Variants in SPTAN1 observed in about 807,000 individuals in gnomAD.
SPTAN1 encodes the protein spectrin alpha, non-erythrocytic 1, also known as spectrin alpha chain, non-erythrocytic 1.
A neutral mutation model predicts 331.3 loss-of-function variants in SPTAN1; 61 were observed. The ratio of observed to expected loss-of-function variants is 0.18; its 90% confidence interval spans 0.15 to 0.23. The LOEUF (loss-of-function observed/expected upper bound fraction) is 0.23, where lower values mean the gene tolerates loss of function less well. SPTAN1 is among the 10% of genes least tolerant of loss of function. The probability of loss-of-function intolerance (pLI) is 1.00; values close to 1 mark genes in which losing one functional copy is unlikely to be tolerated. For missense variants in SPTAN1, 2,043 were observed against 3,147.9 expected (o/e 0.65, Z 8.40); for synonymous variants, 1,153 against 1,173.9 (o/e 0.98, Z 0.36).
intron 10 of SPTAN1, among the ~76,000 whole-genome samples, chr9:128,580,297 AATAAAAATAAAATATGTAT>A: frequency 6.6e-6 from 1 of 150,890 alleles, no homozygotes; most frequent in Admixed American, 6.6e-5. Flanking sequence ...AAAATAAATA[AATAAAAATAAAATATGTAT>A]ATATATACAT....
At chr9:128,565,774 T>G (rs1849960361) in intron 1 of SPTAN1, among the ~76,000 whole-genome samples, 1 of 152,194 alleles carries the variant, frequency 6.6e-6, no homozygotes. Context: ...ATTTTATACC[T>G]TTTATTATAC....
At chr9:128,598,939 A>T in intron 25 of SPTAN1, 24 bp from the exon 26 acceptor site, 2 of 1,611,224 alleles carry the variant, frequency 1.2e-6, no homozygotes, top group Non-Finnish European at 8.5e-7. Flanking sequence ...TAATAATAAA[A>T]CTGGTTTCTC....
rs1440774423 is a variant in SPTAN1, at chr9:128,583,942, G to T, written c.2166G>T (p.Leu722=). The change falls in exon 16 of 57, where the codon CTG becomes CTT. Residue 722 remains leucine, a synonymous_variant. Coordinates refer to ENST00000372739, the MANE Select transcript of SPTAN1 (RefSeq NM_001130438.3). The part of the protein sequence containing the change: ...NVQNLQKKHA[L]LEADVAAHQD... The stretch of plus-strand genomic sequence containing the variant: ...AGAACCTCCAGAAGAAACATGCACT[G>T]CTAGAGGCAGATGTGGCTGCTCACC... 6.2e-7 allele frequency: 1 copy of T among 1,614,182 alleles called. No homozygotes were observed. Among genetic ancestry groups the T allele is most frequent in the East Asian group, 2.2e-5 (1 of 44,884 alleles).
At position 128,579,662 on chromosome 9, in the gene SPTAN1, G is replaced by C; in HGVS notation, c.1247G>C (p.Ser416Thr). The change falls in exon 10 of 57, where the codon AGC becomes ACC. Residue 416 changes from serine to threonine, a missense_variant. Coordinates refer to ENST00000372739, the MANE Select transcript of SPTAN1 (RefSeq NM_001130438.3). The stretch of plus-strand genomic sequence containing the variant: ...GGTGAAATTGATGCCCATGAAGACA[G>C]CTTCAAATCTGCAGATGAATCTGGA... ...HKGEIDAHED[S>T]FKSADESGQA... is the part of the protein sequence containing the mutation. The C allele has an allele frequency of 1.9e-6, 3 of 1,614,130 alleles. No homozygotes were observed. Among genetic ancestry groups the C allele is most frequent in the Non-Finnish European group, 2.5e-6 (3 of 1,179,986 alleles).
intron 8 of SPTAN1, 50 bp from the exon 9 acceptor site, chr9:128,578,060 A>G: frequency 6.2e-7 from 1 of 1,612,374 alleles, no homozygotes; most frequent in Non-Finnish European, 8.5e-7. Context: ...GCCATTTTCC[A>G]CCCTGGAACC....
In SPTAN1 at chr9:128,603,587, C is replaced by G. The variant is rs1287521102; in HGVS notation, c.3624C>G (p.Ile1208Met). 1.2e-6 allele frequency: 2 copies of G among 1,614,088 alleles called. No homozygotes were observed. The highest frequency in any genetic ancestry group is 1.1e-5 in the South Asian group (1 of 91,080). ...ACACCGTGGCCACCTTTAATTCCATCAAGGTAAGAAGCAGTGACCAGCTCC... is the reference window on the plus strand; with the variant it reads ...ACACCGTGGCCACCTTTAATTCCATGAAGGTAAGAAGCAGTGACCAGCTCC... ...MVHTVATFNS[I>M]KELNERWRSL... The change falls in exon 28 of 57, where the codon ATC (isoleucine) becomes ATG (methionine). Residue 1208 changes from isoleucine (I) to methionine (M), a missense_variant. Physicochemically the swap from Ile to Met is conservative, Grantham distance 10. This residue lies in a region of SPTAN1 where 1,038 missense variants were observed against 1,531.5 expected (regional missense o/e 0.68). Coordinates refer to ENST00000372739, the MANE Select transcript of SPTAN1 (RefSeq NM_001130438.3).
At chr9:128,584,248 A>G (rs1456689867) in intron 16 of SPTAN1, 34 bp from the exon 17 acceptor site, 3 of 1,613,876 alleles carry the variant, frequency 1.9e-6, no homozygotes, top group Non-Finnish European at 2.5e-6. Context: ...ACCACACCCA[A>G]AGTAAAGTCT....
intron 14 of SPTAN1, 77 bp from the exon 15 acceptor site, chr9:128,583,000 A>T: frequency 6.3e-7 from 1 of 1,582,298 alleles, no homozygotes. Flanking sequence ...CTCCATAAAG[A>T]TAAGTATGAA....
chr9:128,622,444 C>T (rs1472078814), intron 45 of SPTAN1, among the ~76,000 whole-genome samples: 1 of 152,042 alleles, frequency 6.6e-6, no homozygotes, highest in Non-Finnish European at 1.5e-5. Context: ...GGATTACAGG[C>T]ATGTGCCACT....
chr9:128,586,859 C>A (rs1198290487), intron 19 of SPTAN1, among the ~76,000 whole-genome samples: 1 of 150,158 alleles, frequency 6.7e-6, no homozygotes, highest in Admixed American at 6.7e-5. Context: ...ACTCTGTCAT[C>A]CAGGTTGGAG....
At chr9:128,589,028 C>G (rs1046813767) in intron 21 of SPTAN1, 85 bp downstream of exon 21, 2 of 1,562,884 alleles carry the variant, frequency 1.3e-6, no homozygotes, top group Non-Finnish European at 1.7e-6. Flanking sequence ...TTGCATGTCT[C>G]CCTGAAATGA....
Position 128,577,816 on chromosome 9 carries a change from G to A in SPTAN1, c.1086-294G>A, listed in dbSNP as rs1266672470. Among the ~76,000 whole-genome samples the A allele has an allele frequency of 6.6e-6, 1 of 152,158 alleles. No individual in the cohort carries two copies. Among genetic ancestry groups the A allele is most frequent in the African/African-American group, 2.4e-5 (1 of 41,442 alleles). ...ATCTTATTAAAACCAGGATTAGAAAGGAAAAGAATCCTTGCTAGCCAAGGG... is the reference window on the plus strand; with the variant it reads ...ATCTTATTAAAACCAGGATTAGAAAAGAAAAGAATCCTTGCTAGCCAAGGG... On this transcript the variant is annotated intron_variant, in intron 8 of 56. Coordinates refer to ENST00000372739, the MANE Select transcript of SPTAN1 (RefSeq NM_001130438.3). The surrounding 1 kb of genome is among the most constrained non-coding windows in gnomAD (Gnocchi z 4.2).
In SPTAN1 at chr9:128,632,115, C is replaced by T. The variant is rs774215534; in HGVS notation, c.6763-12C>T. On this transcript the variant is annotated splice_polypyrimidine_tract_variant and intron_variant, in intron 52 of 56. Coordinates refer to ENST00000372739, the MANE Select transcript of SPTAN1 (RefSeq NM_001130438.3). ...GCCCCCGTCTGAGCATCTGTGCTCC[C>T]CACCCCTGCAGCGCAAGCACCAGGA... 3.3e-5 allele frequency: 54 copies of T among 1,612,392 alleles called. 1 individual carries two copies. The highest frequency in any genetic ancestry group is 2.5e-4 in the South Asian group (23 of 90,926).
intron 26 of SPTAN1, 113 bp downstream of exon 26, chr9:128,599,099 C>T (rs1854706614): frequency 9.8e-7 from 1 of 1,016,094 alleles, no homozygotes. Context: ...ACCTCAGATG[C>T]CTTTTGTGTG....
rs1852376551 is a variant in SPTAN1 at position 128,584,860 on chromosome 9, A to G, written c.2560+17A>G. On this transcript the variant is annotated intron_variant, in intron 18 of 56. Coordinates refer to ENST00000372739, the MANE Select transcript of SPTAN1 (RefSeq NM_001130438.3). ...TGGAGGAAGGTGAGTGATTGGTATC[A>G]GTGACATGGCTTGGTGCTGCTCCTC... 1 of 1,614,078 alleles carries G rather than the reference A, an allele frequency of 6.2e-7. No individual in the cohort carries two copies. Among genetic ancestry groups the G allele is most frequent in the Non-Finnish European group, 8.5e-7 (1 of 1,180,034 alleles).
At chr9:128,611,902 C>G in intron 38 of SPTAN1, 57 bp downstream of exon 38, 3 of 1,612,858 alleles carry the variant, frequency 1.9e-6, no homozygotes, top group Non-Finnish European at 2.5e-6. Context: ...TCACTGTCAA[C>G]CTGATATAAT....
In SPTAN1 at chr9:128,591,527, G is replaced by T. The variant is rs759833805; in HGVS notation, c.3057G>T (p.Ala1019=). Residue 1019 remains alanine (A), a synonymous_variant, in exon 22 of 57, where the codon GCG becomes GCT. Coordinates refer to ENST00000372739, the MANE Select transcript of SPTAN1 (RefSeq NM_001130438.3). ...VNDRQGFVPA[A]YVKKLDPAQS... The stretch of plus-strand genomic sequence containing the variant: ...ATCGTCAGGGTTTTGTGCCGGCTGC[G>T]TACGTGAAGAAATTGGACCCCGCCC... 1.9e-6 allele frequency: 3 copies of T among 1,614,054 alleles called. No homozygotes were observed. The highest frequency in any genetic ancestry group is 1.3e-5 in the African/African-American group (1 of 74,904).
At chr9:128,596,685 T>G (rs1854337056) in intron 24 of SPTAN1, 1 of 152,212 alleles carries the variant, frequency 6.6e-6, no homozygotes, top group Non-Finnish European at 1.5e-5. Flanking sequence ...CATTAAAATT[T>G]TATCTCGTTT....
intron 39 of SPTAN1, among the ~76,000 whole-genome samples, chr9:128,613,117 A>G (rs1856755737): frequency 6.6e-6 from 1 of 152,064 alleles, no homozygotes; most frequent in South Asian, 2.1e-4. Context: ...GTTTCCTTGA[A>G]CTAGGATTGC....
Sources: allele counts gnomAD v4.1 joint callset (sites outside exome capture counted in the v4.1 genomes callset), GRCh38; gene constraint gnomAD v4.1.1; regional missense constraint gnomAD v4.1.1; non-coding constraint Gnocchi (gnomAD v3.1); transcripts MANE v1.5; gene names NCBI Gene and HGNC (gene_info 2026-07-23, HGNC 2026-07-21).